The following BMPR2 variants were observed in gnomAD, a reference collection of about 807,000 sequenced individuals.
BMPR2 encodes bone morphogenetic protein receptor type 2, also known as bone morphogenetic protein receptor type-2.
In BMPR2, 29 loss-of-function variants were observed where a neutral mutation model predicts 100.8. That is an observed-to-expected ratio of 0.29 (90% CI 0.21 to 0.39). The LOEUF (loss-of-function observed/expected upper bound fraction) is 0.39. BMPR2 is among the 10% of genes least tolerant of loss of function. BMPR2 has a pLI of 1.00. For synonymous variants in BMPR2, 382 were observed against 442.3 expected (o/e 0.86, Z 1.71); for missense variants, 1,011 against 1,274.5 (o/e 0.79, Z 3.15).
At chr2:202,477,782 A>G (rs1360761120) in intron 3 of BMPR2, among the ~76,000 whole-genome samples, 2 of 151,994 alleles carry the variant, frequency 1.3e-5, no homozygotes, top group Non-Finnish European at 2.9e-5. Flanking sequence ...GTGAGACTCC[A>G]TCTCCAAAAT....
At chr2:202,460,447 T>G (rs1692204256) in intron 1 of BMPR2, among the ~76,000 whole-genome samples, 1 of 152,164 alleles carries the variant, frequency 6.6e-6, no homozygotes, top group South Asian at 2.1e-4. Flanking sequence ...AAAAGAAAAC[T>G]TTAAGAATAT....
intron 7 of BMPR2, among the ~76,000 whole-genome samples, chr2:202,523,483 T>C (rs1225419464): frequency 2.0e-5 from 3 of 152,156 alleles, no homozygotes; most frequent in East Asian, 1.9e-4. Context: ...AACCTACTTG[T>C]CTGTCAGTGG....
chr2:202,562,531 CTAATACTCATCTGA>C lies in BMPR2; in HGVS notation c.*2591_*2604del, dbSNP rs1688692559. On this transcript the variant is annotated 3_prime_UTR_variant, in exon 13 of 13. Coordinates refer to ENST00000374580, the MANE Select transcript of BMPR2 (RefSeq NM_001204.7). ...TTATTTTAAATGACTTAATTGTATG[CTAATACTCATCTGA>C]TAATAAATGCTTCTTAAAGTTGACA... 2 of 152,470 alleles carry C rather than the reference CTAATACTCATCTGA, an allele frequency of 1.3e-5. No individual in the cohort carries two copies. The highest frequency in any genetic ancestry group is 4.1e-4 in the South Asian group (2 of 4,832). 9.4% of individuals were successfully genotyped at this position (152,470 alleles called of 1,614,324 possible).
At chr2:202,540,799 AG>A (rs1196696278) in intron 9 of BMPR2, among the ~76,000 whole-genome samples, 10 of 152,186 alleles carry the variant, frequency 6.6e-5, no homozygotes, top group African/African-American at 2.4e-4. Flanking sequence ...TCCAAGGTCA[AG>A]ATGAAGTGAA....
At chr2:202,466,576 G>A (rs985316304) in intron 2 of BMPR2, among the ~76,000 whole-genome samples, 8 of 152,020 alleles carry the variant, frequency 5.3e-5, no homozygotes, top group South Asian at 4.2e-4. Context: ...GTGAGCCACC[G>A]TGCCCAGCCA....
At chr2:202,552,965 T>G in intron 11 of BMPR2, 77 bp downstream of exon 11, 1 of 1,551,544 alleles carries the variant, frequency 6.4e-7, no homozygotes, top group Admixed American at 1.7e-5. Flanking sequence ...AAATAAATAC[T>G]TTTAAACCAG....
intron 9 of BMPR2, among the ~76,000 whole-genome samples, chr2:202,535,520 A>G (rs1420046827): frequency 2.0e-5 from 3 of 147,820 alleles, no homozygotes; most frequent in African/African-American, 7.7e-5. Context: ...CACTTCCTAG[A>G]TGTGATGGCG....
chr2:202,531,057 C>T (rs1004183638), intron 8 of BMPR2, 103 bp downstream of exon 8: 3 of 1,397,752 alleles, frequency 2.1e-6, no homozygotes, highest in African/African-American at 1.4e-5. Context: ...AATCCCAGCA[C>T]TTTGGTAGGC....
chr2:202,464,660 T>C, intron 1 of BMPR2, 149 bp from the exon 2 acceptor site: 2 of 726,726 alleles, frequency 2.8e-6, no homozygotes, highest in South Asian at 2.3e-5. Context: ...AAGAACGTCA[T>C]TGAATGTAAA....
At chr2:202,438,761 C>G (rs1190147282) in intron 1 of BMPR2, among the ~76,000 whole-genome samples, 2 of 150,556 alleles carry the variant, frequency 1.3e-5, no homozygotes, top group Non-Finnish European at 2.9e-5. Context: ...TGTCAAAAAT[C>G]AGTTCACCAT....
chr2:202,535,325 A>G (rs1173470683), intron 9 of BMPR2, among the ~76,000 whole-genome samples: 16 of 149,302 alleles, frequency 1.1e-4, no homozygotes, highest in Non-Finnish European at 2.2e-4. Flanking sequence ...CTCACTTCTC[A>G]GACGGGGCGG....
At chr2:202,480,719 C>T (rs61495739) in intron 3 of BMPR2, among the ~76,000 whole-genome samples, 51 of 151,668 alleles carry the variant, frequency 3.4e-4, no homozygotes, top group African/African-American at 1.1e-3. Flanking sequence ...TTTGGGAGGC[C>T]GAGGCGGGTG....
intron 1 of BMPR2, among the ~76,000 whole-genome samples, chr2:202,458,053 G>T (rs1431968056): frequency 6.6e-6 from 1 of 151,994 alleles, no homozygotes; most frequent in African/African-American, 2.4e-5. Flanking sequence ...TCAAGTAAAT[G>T]ATTGGACACC....
At chr2:202,559,258 T>C (rs1688640334) in intron 12 of BMPR2, among the ~76,000 whole-genome samples, 1 of 150,740 alleles carries the variant, frequency 6.6e-6, no homozygotes, top group Non-Finnish European at 1.5e-5. Context: ...GTCAAGATCA[T>C]GCCACTGCAC....
intron 1 of BMPR2, among the ~76,000 whole-genome samples, chr2:202,410,227 C>T (rs908246250): frequency 3.2e-4 from 49 of 152,018 alleles, no homozygotes; most frequent in African/African-American, 1.1e-3. Flanking sequence ...TCAAGTGATC[C>T]GCCCGCCTCG....
At chr2:202,384,564 C>CT (rs1426751018) in intron 1 of BMPR2, among the ~76,000 whole-genome samples, 2 of 28,918 alleles carry the variant, frequency 6.9e-5, no homozygotes, top group African/African-American at 2.9e-4. Context: ...TTCTTTCTTT[C>CT]TTTCTTTTTC....
At position 202,463,637 on chromosome 2, in the gene BMPR2, A is replaced by G. The variant is rs114548385; in HGVS notation, c.77-1172A>G. On this transcript the variant is annotated intron_variant, in intron 1 of 12. Transcript: ENST00000374580. ...AAAGCCTACTGTAAGAAATGAAATT[A>G]AAGATCAGATATTGCTTTCGATAAC... Among the ~76,000 whole-genome samples, 1,183 of 152,342 alleles carry G rather than the reference A, an allele frequency of 7.8e-3. 8 individuals are homozygous for G. The highest frequency in any genetic ancestry group is 0.027 in the African/African-American group (1,120 of 41,576).
chr2:202,376,630 T>C lies in BMPR2; in HGVS notation c.-845T>C, dbSNP rs1287822163. On this transcript the variant is annotated 5_prime_UTR_variant, in exon 1 of 13. Transcript: ENST00000374580. ...AAGAGGAGGCTTTCTTGGTGGAATT[T>C]ACCTCAGGCAAGATCGAGCCGCAGG... 6.9e-6 allele frequency among the ~76,000 whole-genome samples: 1 copy of C among 143,956 alleles called. No homozygotes were observed. The highest frequency in any genetic ancestry group is 2.6e-5 in the African/African-American group (1 of 39,134). The allele number at this position is 143,956 out of a possible 152,430, so 94.4% of individuals were successfully genotyped here.
chr2:202,488,842 T>C (rs1692837398), intron 3 of BMPR2, among the ~76,000 whole-genome samples: 1 of 152,134 alleles, frequency 6.6e-6, no homozygotes, highest in South Asian at 2.1e-4. Flanking sequence ...CCAGAACTCT[T>C]TTTGTCTTGC....
Sources: allele counts gnomAD v4.1 joint callset (sites outside exome capture counted in the v4.1 genomes callset), GRCh38; gene constraint gnomAD v4.1.1; transcripts MANE v1.5; gene names NCBI Gene and HGNC (gene_info 2026-07-23, HGNC 2026-07-21).